SLC9A9: variants seen among roughly 807,000 people sequenced by gnomAD.
The protein encoded by SLC9A9 is solute carrier family 9 member A9.
In SLC9A9, 62 loss-of-function variants were observed where a neutral mutation model predicts 77.8. That is an observed-to-expected ratio of 0.80 (90% CI 0.65 to 0.98). The LOEUF (loss-of-function observed/expected upper bound fraction) is 0.98. SLC9A9 is among the 50% of genes least tolerant of loss of function. The pLI, the probability that SLC9A9 is intolerant of heterozygous loss-of-function variation, is 0.00. For missense variants in SLC9A9, 775 were observed against 774.9 expected (o/e 1.00, Z 0.00); for synonymous variants, 320 against 283.5 (o/e 1.13, Z -1.29).
At chr3:143,271,551 G>C (rs1317372759) in intron 14 of SLC9A9, among the ~76,000 whole-genome samples, 1 of 152,220 alleles carries the variant, frequency 6.6e-6, no homozygotes, top group East Asian at 1.9e-4. Context: ...ATGGGAAAAC[G>C]ATACTGAAGG....
At chr3:143,465,768 A>C (rs1261911387) in intron 12 of SLC9A9, among the ~76,000 whole-genome samples, 2 of 152,342 alleles carry the variant, frequency 1.3e-5, no homozygotes, top group East Asian at 3.9e-4. Context: ...CATCCATGGG[A>C]GCCTACAGGT....
chr3:143,372,433 G>A, intron 13 of SLC9A9, among the ~76,000 whole-genome samples: 1 of 151,958 alleles, frequency 6.6e-6, no homozygotes, highest in East Asian at 1.9e-4. Flanking sequence ...AAGAATGAAA[G>A]TGAACCTCTT....
chr3:143,441,923 C>T (rs1435858120), intron 12 of SLC9A9, among the ~76,000 whole-genome samples: 1 of 151,980 alleles, frequency 6.6e-6, no homozygotes, highest in Non-Finnish European at 1.5e-5. Context: ...CAGCCACCTA[C>T]CCACTTAACC....
In SLC9A9 at chr3:143,652,356, T is replaced by C. The variant is rs772047101; in HGVS notation, c.654A>G (p.Thr218=). ...GCAGTTCATGGAAAATGGCCAGCAC[T>C]GTCACTAGGAAGACACACACAAACA... The part of the protein sequence containing the change: ...GSLMSATDPV[T]VLAIFHELHV... The change falls in exon 6 of 16, where the codon ACA becomes ACG. Residue 218 remains threonine, a synonymous_variant. Transcript: ENST00000316549. 2.5e-6 allele frequency: 4 copies of C among 1,611,554 alleles called. No homozygotes were observed. The highest frequency in any genetic ancestry group is 2.5e-6 in the Non-Finnish European group (3 of 1,178,800).
intron 14 of SLC9A9, among the ~76,000 whole-genome samples, chr3:143,344,163 T>C (rs2032190893): frequency 6.6e-6 from 1 of 152,132 alleles, no homozygotes; most frequent in Admixed American, 6.6e-5. Context: ...AAAGGTTACT[T>C]TGTGTATTGG....
At chr3:143,797,343 T>G (rs910704268) in intron 2 of SLC9A9, among the ~76,000 whole-genome samples, 4 of 152,172 alleles carry the variant, frequency 2.6e-5, no homozygotes, top group Non-Finnish European at 5.9e-5. Context: ...CACTTGAACT[T>G]GAAAATTGAT....
At chr3:143,370,894 G>A (rs775420961) in intron 13 of SLC9A9, among the ~76,000 whole-genome samples, 5 of 152,030 alleles carry the variant, frequency 3.3e-5, no homozygotes, top group Non-Finnish European at 5.9e-5. Flanking sequence ...TGAAAGAAGG[G>A]AAGAAATGAG....
chr3:143,283,339 A>T (rs1938280620), intron 14 of SLC9A9, among the ~76,000 whole-genome samples: 1 of 152,112 alleles, frequency 6.6e-6, no homozygotes, highest in African/African-American at 2.4e-5. Context: ...GGTGGGAAAA[A>T]CAGCAGCCAT....
intron 12 of SLC9A9, among the ~76,000 whole-genome samples, chr3:143,429,761 A>T (rs2034475896): frequency 1.2e-5 from 1 of 80,336 alleles, no homozygotes; most frequent in Non-Finnish European, 2.3e-5. Flanking sequence ...CCTAGTCCTC[A>T]GAGCGTGTGT....
At chr3:143,652,226 A>G (rs748855019) in intron 6 of SLC9A9, 29 bp downstream of exon 6, 7 of 1,553,154 alleles carry the variant, frequency 4.5e-6, no homozygotes, top group Non-Finnish European at 6.2e-6. Context: ...ACATGATTAA[A>G]GAAACATAGG....
intron 13 of SLC9A9, among the ~76,000 whole-genome samples, chr3:143,366,854 A>C (rs1033418468): frequency 6.6e-6 from 1 of 152,190 alleles, no homozygotes; most frequent in African/African-American, 2.4e-5. Context: ...AGAGCAAACT[A>C]GTGCAAAAGG....
At chr3:143,389,635 A>G (rs990634660) in intron 12 of SLC9A9, among the ~76,000 whole-genome samples, 1 of 152,256 alleles carries the variant, frequency 6.6e-6, no homozygotes, top group African/African-American at 2.4e-5. Context: ...AAGCAAAGTC[A>G]GCTCTCTACA....
At chr3:143,663,523 T>C (rs1010634131) in intron 5 of SLC9A9, among the ~76,000 whole-genome samples, 12 of 152,164 alleles carry the variant, frequency 7.9e-5, no homozygotes, top group Non-Finnish European at 1.0e-4. Context: ...TTCTCTGAGC[T>C]AAAGGTGGAC....
intron 12 of SLC9A9, among the ~76,000 whole-genome samples, chr3:143,426,227 A>T (rs147174070): frequency 8.5e-5 from 13 of 152,350 alleles, no homozygotes; most frequent in African/African-American, 1.7e-4. Flanking sequence ...ATTAACAATT[A>T]AAAAACCCAT....
At chr3:143,472,551 C>T (rs1442650352) in intron 11 of SLC9A9, among the ~76,000 whole-genome samples, 1 of 152,204 alleles carries the variant, frequency 6.6e-6, no homozygotes, top group East Asian at 1.9e-4. Flanking sequence ...TCCACAAAGC[C>T]TTCTCTGACA....
intron 6 of SLC9A9, among the ~76,000 whole-genome samples, chr3:143,622,301 G>A (rs559481173): frequency 1.3e-5 from 2 of 152,244 alleles, no homozygotes; most frequent in Non-Finnish European, 2.9e-5. Flanking sequence ...GTAACTCCAA[G>A]ACACATAATT....
chr3:143,585,256 C>G (rs1387380258), intron 6 of SLC9A9, among the ~76,000 whole-genome samples: 3 of 152,192 alleles, frequency 2.0e-5, no homozygotes, highest in Non-Finnish European at 4.4e-5. Flanking sequence ...AAAGGACAGA[C>G]AGAACTCAAA....
intron 12 of SLC9A9, among the ~76,000 whole-genome samples, chr3:143,440,320 G>C (rs796682890): frequency 3.3e-5 from 5 of 152,288 alleles, no homozygotes; most frequent in Middle Eastern, 3.4e-3. Flanking sequence ...AATGCTGCTT[G>C]AGTTCTGGGA....
At chr3:143,613,051 T>C (rs567680052) in intron 6 of SLC9A9, among the ~76,000 whole-genome samples, 15 of 152,358 alleles carry the variant, frequency 9.8e-5, no homozygotes, top group Admixed American at 9.8e-4. Flanking sequence ...GCTTGTATTT[T>C]CTTCTCAGTT....
Sources: gnomAD v4.1 joint callset for allele counts (sites outside exome capture counted in the v4.1 genomes callset) on GRCh38, gnomAD v4.1.1 for gene constraint, MANE v1.5 for transcripts, NCBI Gene and HGNC (gene_info 2026-07-23, HGNC 2026-07-21) for gene names.